Variants in IKZF2 observed in about 807,000 individuals in gnomAD.
IKZF2 encodes the protein IKAROS family zinc finger 2.
A neutral mutation model predicts 49.2 loss-of-function variants in IKZF2; 15 were observed. The ratio of observed to expected loss-of-function variants is 0.30; its 90% CI spans 0.20 to 0.47. The LOEUF is 0.47. IKZF2 is among the 20% of genes least tolerant of loss of function. IKZF2 has a pLI of 1.00. For missense variants in IKZF2, 567 were observed against 664.6 expected (o/e 0.85, Z 1.61); for synonymous variants, 227 against 221.4 (o/e 1.03, Z -0.23).
At chr2:213,050,463 T>C (rs1193361491) in intron 5 of IKZF2, among the ~76,000 whole-genome samples, 1 of 152,260 alleles carries the variant, frequency 6.6e-6, no homozygotes, top group Non-Finnish European at 1.5e-5. Flanking sequence ...TTAGCTGATA[T>C]GGAAAGGGGC....
At chr2:213,097,985 T>C in intron 4 of IKZF2, 1 of 303,194 alleles carries the variant, frequency 3.3e-6, no homozygotes, top group Non-Finnish European at 6.6e-6. Flanking sequence ...AAGCTTTTTT[T>C]ACAAGAGTGA....
intron 4 of IKZF2, among the ~76,000 whole-genome samples, chr2:213,124,288 A>AGC (rs2060180520): frequency 7.7e-6 from 1 of 129,102 alleles, no homozygotes; most frequent in Non-Finnish European, 1.8e-5. Context: ...ACACACACAC[A>AGC]CACACACACA....
chr2:213,101,270 A>G (rs1706624797), intron 4 of IKZF2, among the ~76,000 whole-genome samples: 1 of 152,120 alleles, frequency 6.6e-6, no homozygotes. Flanking sequence ...TAAACACTAG[A>G]ATAGGTAGTG....
At chr2:213,142,415 G>A (rs1241564679) in intron 4 of IKZF2, among the ~76,000 whole-genome samples, 5 of 151,732 alleles carry the variant, frequency 3.3e-5, no homozygotes, top group Non-Finnish European at 7.4e-5. Flanking sequence ...AAATAGACTT[G>A]GATTTGAAAA....
chr2:213,041,395 C>T (rs112441219), intron 6 of IKZF2, among the ~76,000 whole-genome samples: 38 of 152,034 alleles, frequency 2.5e-4, no homozygotes, highest in African/African-American at 4.3e-4. Flanking sequence ...GTCCGCCTCC[C>T]GGGATCAAGC....
chr2:213,005,191 T>TGGGGGGGGGGGGGGGG lies in IKZF2; in HGVS notation c.*2168_*2169insCCCCCCCCCCCCCCCC, dbSNP rs58270171. ...CAATTATTATTTGGGAGTGGTTGGG[T>TGGGGGGGGGGGGGGGG]GGGGGGGGGTGAGCGAGTCTCAAAA... On this transcript the variant is annotated 3_prime_UTR_variant, in exon 9 of 9. Transcript: ENST00000434687. The TGGGGGGGGGGGGGGGG allele has an allele frequency of 1.3e-5, 1 of 76,786 alleles. No individual in the cohort carries two copies. Among genetic ancestry groups the TGGGGGGGGGGGGGGGG allele is most frequent in the Non-Finnish European group, 2.8e-5 (1 of 35,870 alleles). 4.8% of individuals were successfully genotyped at this position (76,786 alleles called of 1,614,324 possible). A position where few individuals can be genotyped will look rare whatever the true frequency, so the allele number is the denominator to read the frequency against.
intron 4 of IKZF2, among the ~76,000 whole-genome samples, chr2:213,063,746 C>A (rs764394627): frequency 2.0e-5 from 3 of 151,890 alleles, no homozygotes; most frequent in Non-Finnish European, 4.4e-5. Context: ...GATATCAATT[C>A]AAGATCTTTT....
At chr2:213,019,360 T>G (rs1238844360) in intron 7 of IKZF2, among the ~76,000 whole-genome samples, 1 of 152,164 alleles carries the variant, frequency 6.6e-6, no homozygotes, top group Non-Finnish European at 1.5e-5. Flanking sequence ...GATATAAGTT[T>G]CATCATGGTT....
At chr2:213,030,446 C>T (rs2125173624) in intron 6 of IKZF2, among the ~76,000 whole-genome samples, 1 of 152,166 alleles carries the variant, frequency 6.6e-6, no homozygotes, top group Non-Finnish European at 1.5e-5. Context: ...TGTCAAAAAT[C>T]ATTACAGTAA....
At chr2:213,008,204 G>A in intron 8 of IKZF2, 120 bp from the exon 9 acceptor site, 1 of 1,190,166 alleles carries the variant, frequency 8.4e-7, no homozygotes, top group Non-Finnish European at 1.1e-6. Flanking sequence ...TTCATAATTT[G>A]GTATATATTA....
chr2:213,026,145 A>T (rs1697795035), intron 6 of IKZF2, among the ~76,000 whole-genome samples: 2 of 152,052 alleles, frequency 1.3e-5, no homozygotes, highest in East Asian at 3.9e-4. Context: ...CTCCTACCCC[A>T]GGCCCCAGTC....
At chr2:213,081,845 G>C (rs16849708) in intron 4 of IKZF2, among the ~76,000 whole-genome samples, 12,830 of 152,096 alleles carry the variant, frequency 0.084, 947 homozygotes, top group African/African-American at 0.2. Flanking sequence ...TACTAAACTA[G>C]TGAGCTACTA....
intron 7 of IKZF2, among the ~76,000 whole-genome samples, chr2:213,016,008 C>T (rs1238031143): frequency 6.6e-6 from 1 of 151,956 alleles, no homozygotes; most frequent in Non-Finnish European, 1.5e-5. Flanking sequence ...GATGATTTGT[C>T]CCGAGTTCAA....
At chr2:213,117,749 G>T (rs1432198447) in intron 4 of IKZF2, among the ~76,000 whole-genome samples, 2 of 152,166 alleles carry the variant, frequency 1.3e-5, no homozygotes, top group Admixed American at 1.3e-4. Flanking sequence ...CCCAAGTTCT[G>T]ATTTGTGATT....
chr2:213,127,010 G>T (rs1479173192), intron 4 of IKZF2, among the ~76,000 whole-genome samples: 1 of 152,118 alleles, frequency 6.6e-6, no homozygotes, highest in Non-Finnish European at 1.5e-5. Context: ...GCCGGGAAAT[G>T]ACCAATTTTC....
chr2:213,145,609 T>C (rs552559182), intron 4 of IKZF2, among the ~76,000 whole-genome samples: 1 of 152,150 alleles, frequency 6.6e-6, no homozygotes, highest in South Asian at 2.1e-4. Context: ...TTTGGCAATC[T>C]AAAATGCTGA....
intron 4 of IKZF2, among the ~76,000 whole-genome samples, chr2:213,062,813 C>T (rs1212756414): frequency 6.6e-6 from 1 of 151,958 alleles, no homozygotes; most frequent in Non-Finnish European, 1.5e-5. Flanking sequence ...AACTCTCTCT[C>T]ACGTAAACTT....
intron 4 of IKZF2, among the ~76,000 whole-genome samples, chr2:213,098,419 T>C (rs1353477730): frequency 6.6e-6 from 1 of 151,784 alleles, no homozygotes; most frequent in Non-Finnish European, 1.5e-5. Context: ...CCCATGACAT[T>C]TAATTGGCAT....
chr2:213,039,330 G>A (rs1482416911), intron 6 of IKZF2, among the ~76,000 whole-genome samples: 2 of 151,850 alleles, frequency 1.3e-5, no homozygotes, highest in African/African-American at 4.8e-5. Context: ...GAACTATAGG[G>A]ACTTGAAAAA....
Sources: gnomAD v4.1 joint callset for allele counts (sites outside exome capture counted in the v4.1 genomes callset) on GRCh38, gnomAD v4.1.1 for gene constraint, MANE v1.5 for transcripts, NCBI Gene and HGNC (gene_info 2026-07-23, HGNC 2026-07-21) for gene names.